DRAXIN: variants seen among roughly 807,000 people sequenced by gnomAD.
DRAXIN encodes dorsal repulsive axon guidance protein.
Under a neutral mutation model 33.9 loss-of-function variants are expected in DRAXIN, and 27 were observed. The ratio of observed to expected loss-of-function variants is 0.80; its 90% CI spans 0.59 to 1.10. The LOEUF is 1.10. Ranked by LOEUF, DRAXIN falls within the 50% of genes least tolerant of loss-of-function variation. The pLI is 0.00. For missense variants in DRAXIN, 371 were observed against 460.8 expected, an observed-to-expected ratio of 0.81 and a Z score of 1.78; for synonymous variants, 178 against 194.0, an observed-to-expected ratio of 0.92 and a Z score of 0.69.
At chr1:11,689,780 T>C (rs992721138), upstream of DRAXIN, among the ~76,000 whole-genome samples, 1 of 152,160 alleles carries the variant, frequency 6.6e-6, no homozygotes, top group Non-Finnish European at 1.5e-5. Context: ...GGACTCGCCC[T>C]GAATTATTTC....
At chr1:11,708,418 C>G (rs915761677) in intron 2 of DRAXIN, among the ~76,000 whole-genome samples, 1 of 152,208 alleles carries the variant, frequency 6.6e-6, no homozygotes, top group Non-Finnish European at 1.5e-5. Flanking sequence ...GGAGACCAAC[C>G]TGGGCAATAT....
rs116390866 is a variant in DRAXIN, at chr1:11,694,267, A to G, written c.-11+2414A>G. Among the ~76,000 whole-genome samples the G allele has an allele frequency of 0.013, 1,937 of 152,116 alleles. 49 individuals are homozygous for G. Among genetic ancestry groups the G allele is most frequent in the African/African-American group, 0.044 (1,844 of 41,488 alleles). On this transcript the variant is annotated intron_variant, in intron 1 of 6. Transcript: ENST00000294485. This position sits in a 1 kb window ranked among gnomAD's most constrained non-coding sequence, Gnocchi z 4.9. ...TTGAATGTGATTCCTGGTCAAAGGC[A>G]CAGGAATGAACTGAAAACTGCAAGC...
rs145145988 is a variant in DRAXIN, at chr1:11,705,496, G to T, written c.-10-753G>T. On this transcript the variant is annotated intron_variant, in intron 1 of 6. Coordinates refer to ENST00000294485, the MANE Select transcript of DRAXIN (RefSeq NM_198545.4). The surrounding 1 kb of genome is among the most constrained non-coding windows in gnomAD (Gnocchi z 4.8). ...CCAAAGCCCCTCCCCCAGGGGAAGG[G>T]ACAGTGTCAGAACATTCTGGGGCCT... Among the ~76,000 whole-genome samples, 62 of 152,218 alleles carry T rather than the reference G, an allele frequency of 4.1e-4. No individual in the cohort carries two copies. The highest frequency in any genetic ancestry group is 7.2e-4 in the Non-Finnish European group (49 of 68,010).
chr1:11,716,992 A>G (rs566683557), intron 6 of DRAXIN, among the ~76,000 whole-genome samples: 6 of 152,358 alleles, frequency 3.9e-5, no homozygotes, highest in Admixed American at 2.6e-4. Context: ...TTAGAAAATA[A>G]TAAGGGCTAT....
chr1:11,709,978 A>AT (rs1641450606), intron 3 of DRAXIN, among the ~76,000 whole-genome samples: 1 of 152,136 alleles, frequency 6.6e-6, no homozygotes, highest in East Asian at 1.9e-4. Flanking sequence ...CGAGGTCAGG[A>AT]GTTCGAGACC....
intron 5 of DRAXIN, 32 bp downstream of exon 5, chr1:11,712,461 G>A: frequency 6.2e-7 from 1 of 1,613,288 alleles, no homozygotes; most frequent in East Asian, 2.2e-5. Context: ...CAAGGCACCA[G>A]GCTGGGTACT....
chr1:11,700,748 C>T (rs901445590), intron 1 of DRAXIN, among the ~76,000 whole-genome samples: 5 of 152,158 alleles, frequency 3.3e-5, no homozygotes, highest in Admixed American at 6.5e-5. Context: ...ATAATCCTTC[C>T]GCACCATCTG....
chr1:11,714,621 C>T (rs1040080843), intron 5 of DRAXIN, among the ~76,000 whole-genome samples: 1 of 152,284 alleles, frequency 6.6e-6, no homozygotes, highest in Non-Finnish European at 1.5e-5. Flanking sequence ...AGCTCCCTGA[C>T]AGGCTGCTTC....
chr1:11,708,090 A>G (rs1031932982), intron 2 of DRAXIN, among the ~76,000 whole-genome samples: 18 of 152,174 alleles, frequency 1.2e-4, no homozygotes, highest in Admixed American at 9.2e-4. Flanking sequence ...TTCGACTTTC[A>G]GCCTCCCACT....
chr1:11,711,182 T>G (rs560168921), intron 3 of DRAXIN, among the ~76,000 whole-genome samples: 3 of 152,242 alleles, frequency 2.0e-5, no homozygotes, highest in Non-Finnish European at 4.4e-5. Flanking sequence ...TTATCCTTTT[T>G]TGGGGTCTTG....
chr1:11,691,016 C>A (rs1641052215), upstream of DRAXIN, among the ~76,000 whole-genome samples: 1 of 152,146 alleles, frequency 6.6e-6, no homozygotes. Context: ...ACAGGTGCGC[C>A]GTCAGCGCCC....
rs1641376346 is a variant in DRAXIN, at chr1:11,706,224, A to G, written c.-10-25A>G. On this transcript the variant is annotated intron_variant, in intron 1 of 6. Coordinates refer to ENST00000294485, the MANE Select transcript of DRAXIN (RefSeq NM_198545.4). The surrounding 1 kb of genome is among the most constrained non-coding windows in gnomAD (Gnocchi z 5.5). ...AGCAGAGAGAGGCCTGGGGCTGCGC[A>G]TTCATGGTGTTGCTCTTCTTGCAGG... The G allele has an allele frequency of 6.6e-7, 1 of 1,522,728 alleles. No homozygotes were observed. Among genetic ancestry groups the G allele is most frequent in the African/African-American group, 1.4e-5 (1 of 72,494 alleles). The allele number at this position is 1,522,728 out of a possible 1,614,324, so 94.3% of individuals were successfully genotyped here. A position where few individuals can be genotyped will look rare whatever the true frequency, so the allele number is the denominator to read the frequency against.
intron 5 of DRAXIN, among the ~76,000 whole-genome samples, chr1:11,714,539 T>C (rs1238971674): frequency 6.6e-6 from 1 of 152,226 alleles, no homozygotes; most frequent in Non-Finnish European, 1.5e-5. Flanking sequence ...CCACGATTGT[T>C]AGATCAGTGA....
chr1:11,699,680 A>G (rs9430209), intron 1 of DRAXIN, among the ~76,000 whole-genome samples: 94,941 of 151,566 alleles, frequency 0.63, 29,869 homozygotes, highest in East Asian at 0.82. Context: ...TAATCCCAGC[A>G]CTTTGGGAGG....
rs1280380621 is a variant in DRAXIN at position 11,704,123 on chromosome 1, G to A, written c.-10-2126G>A. On this transcript the variant is annotated intron_variant, in intron 1 of 6. Transcript: ENST00000294485. This position sits in a 1 kb window ranked among gnomAD's most constrained non-coding sequence, Gnocchi z 4.6. ...TCTGCTCTCTTGCCCGCACTGTCTG[G>A]GTTTTCTTCCTCATTCCCCTCAACC... Among the ~76,000 whole-genome samples, 1 of 152,158 alleles carries A rather than the reference G, an allele frequency of 6.6e-6. No homozygotes were observed. The highest frequency in any genetic ancestry group is 2.4e-5 in the African/African-American group (1 of 41,432).
rs756226168 is a variant in DRAXIN, at chr1:11,706,278, A to G, written c.20A>G (p.His7Arg). 1 of 1,605,742 alleles carries G rather than the reference A, an allele frequency of 6.2e-7. No individual in the cohort carries two copies. Residue 7 changes from histidine (H) to arginine (R), a missense_variant, in exon 2 of 7, where the codon CAC (histidine) becomes CGC (arginine). By Grantham distance (29) the His-to-Arg change is conservative. Coordinates refer to ENST00000294485, the MANE Select transcript of DRAXIN (RefSeq NM_198545.4). The surrounding 1 kb of genome is among the most constrained non-coding windows in gnomAD (Gnocchi z 5.5). MAGPAI[H>R]TAPMLFLVLL... The stretch of plus-strand genomic sequence containing the variant: ...GAGCCAATGGCTGGGCCTGCCATCC[A>G]CACCGCTCCCATGCTGTTCCTCGTC...
chr1:11,717,832 A>AG lies in DRAXIN; in HGVS notation c.938-1752_938-1751insG, dbSNP rs1024620168. Among the ~76,000 whole-genome samples the AG allele has an allele frequency of 2.1e-5, 3 of 143,628 alleles. No homozygotes were observed. The Admixed American group carries it at 2.1e-4, about 10-fold the overall frequency. 94.2% of individuals were successfully genotyped at this position (143,628 alleles called of 152,430 possible). A position where few individuals can be genotyped will look rare whatever the true frequency, so the allele number is the denominator to read the frequency against. ...ACACTGTCTCTACCAAAAATACAAAAAAAAAAAAAAAAATTAGCCGGGTGT... is the reference window on the plus strand; with the variant it reads ...ACACTGTCTCTACCAAAAATACAAAAGAAAAAAAAAAAAATTAGCCGGGTGT... On this transcript the variant is annotated intron_variant, in intron 6 of 6. Transcript: ENST00000294485.
At chr1:11,716,769 T>C (rs540516973) in intron 6 of DRAXIN, among the ~76,000 whole-genome samples, 1 of 152,294 alleles carries the variant, frequency 6.6e-6, no homozygotes, top group African/African-American at 2.4e-5. Flanking sequence ...ACTCCCGGGC[T>C]CAAGGGATCC....
intron 1 of DRAXIN, among the ~76,000 whole-genome samples, chr1:11,700,230 A>AAAAT (rs776799343): frequency 6.6e-6 from 1 of 152,232 alleles, no homozygotes; most frequent in Admixed American, 6.5e-5. Flanking sequence ...ACTCTGTTTC[A>AAAAT]AAATAAATAA....
Sources: gnomAD v4.1 joint callset for allele counts (sites outside exome capture counted in the v4.1 genomes callset) on GRCh38, gnomAD v4.1.1 for gene constraint, Gnocchi (gnomAD v3.1) non-coding constraint, MANE v1.5 for transcripts, NCBI Gene and HGNC (gene_info 2026-07-23, HGNC 2026-07-21) for gene names.